Variants in NOL9 observed in about 807,000 individuals in gnomAD.
The protein encoded by NOL9 is nucleolar protein 9.
NOL9 carries 28 observed loss-of-function variants against 67.9 expected under a neutral mutation model. The ratio of observed to expected loss-of-function variants is 0.41; its 90% CI spans 0.31 to 0.57. The LOEUF (loss-of-function observed/expected upper bound fraction) is 0.57, where lower values mean the gene tolerates loss of function less well. Among genes scored for constraint, NOL9 ranks in the 20% least tolerant of loss-of-function variants. NOL9 has a pLI of 0.25. For missense variants in NOL9, 777 were observed against 897.0 expected, an observed-to-expected ratio of 0.87 and a Z score of 1.71; for synonymous variants, 356 against 352.2, an observed-to-expected ratio of 1.01 and a Z score of -0.12.
intron 6 of NOL9, among the ~76,000 whole-genome samples, chr1:6,539,730 G>A (rs1007071530): frequency 5.5e-4 from 83 of 152,112 alleles, no homozygotes; most frequent in Non-Finnish European, 2.6e-4. Context: ...GCAATCTGCC[G>A]GCCTTGGCCT....
Position 6,525,868 on chromosome 1 carries a change from G to C in NOL9, c.2095C>G (p.Arg699Gly). The C allele has an allele frequency of 1.2e-6, 2 of 1,613,862 alleles. No individual in the cohort carries two copies. The highest frequency in any genetic ancestry group is 8.5e-7 in the Non-Finnish European group (1 of 1,179,942). Residue 699 changes from arginine to glycine, a missense_variant, in exon 12 of 12, where the codon CGA becomes GGA. Transcript: ENST00000377705. ...EKPYRRPKFC[R>G]KMK is the part of the protein sequence containing the mutation. ...AAACGCGAGCATCACTTCATTTTTC[G>C]ACAGAACTTAGGTCTTCGGTATGGT...
In NOL9 at chr1:6,529,038, G is replaced by A; in HGVS notation, c.1781C>T (p.Pro594Leu). Residue 594 changes from proline (P) to leucine (L), a missense_variant, in exon 10 of 12, where the codon CCC becomes CTC. Coordinates refer to ENST00000377705, the MANE Select transcript of NOL9 (RefSeq NM_024654.5). ...QDDVRGYTNG[P>L]ILLAQTPICD... ...GATTGGAGTCTGGGCAAGCAGGATGGGCCCATTCGTGTATCCTCTGACGTC... is the reference window on the plus strand; with the variant it reads ...GATTGGAGTCTGGGCAAGCAGGATGAGCCCATTCGTGTATCCTCTGACGTC... 1.2e-6 allele frequency: 2 copies of A among 1,614,042 alleles called. No homozygotes were observed. Among genetic ancestry groups the A allele is most frequent in the Non-Finnish European group, 1.7e-6 (2 of 1,180,024 alleles).
Position 6,550,337 on chromosome 1 carries a change from A to T in NOL9, c.616+59T>A, listed in dbSNP as rs541731349. 20 of 1,505,784 alleles carry T rather than the reference A, an allele frequency of 1.3e-5. No individual in the cohort carries two copies. The South Asian group carries it at 2.3e-4, about 17-fold the overall frequency. 93.3% of individuals were successfully genotyped at this position (1,505,784 alleles called of 1,614,324 possible). A position where few individuals can be genotyped will look rare whatever the true frequency, so the allele number is the denominator to read the frequency against. ...TGAGCCACCGCGCCTGGCCCTAAAA[A>T]TTATGAATTAGCCTTATTACAGTAG... On this transcript the variant is annotated intron_variant, in intron 2 of 11. Transcript: ENST00000377705.
At chr1:6,541,009 GCGTT>G (rs1639275318) in intron 6 of NOL9, 1 of 31,168 alleles carries the variant, frequency 3.2e-5, no homozygotes, top group South Asian at 1.5e-3. Context: ...CTGGTTAACA[GCGTT>G]TTTTTTTTTT....
At position 6,525,937 on chromosome 1, in the gene NOL9, C is replaced by G; in HGVS notation, c.2026G>C (p.Glu676Gln). ...DYNFKLPGASEKIGAREPEEA... is the reference protein window; with the variant it reads ...DYNFKLPGASQKIGAREPEEA... ...TCAGGTTCTCTTGCTCCAATTTTCT[C>G]TGATGCTCCAGGAAGTTTAAAATTG... is the stretch of plus-strand genomic sequence containing the variant. Residue 676 changes from glutamate (E) to glutamine (Q), a missense_variant, in exon 12 of 12, where the codon GAG (glutamate) becomes CAG (glutamine). Transcript: ENST00000377705. 6.2e-7 allele frequency: 1 copy of G among 1,614,042 alleles called. No individual in the cohort carries two copies. Among genetic ancestry groups the G allele is most frequent in the Admixed American group, 1.7e-5 (1 of 60,010 alleles).
intron 11 of NOL9, 88 bp downstream of exon 11, chr1:6,526,608 T>C (rs1638889974): frequency 2.2e-6 from 3 of 1,340,810 alleles, no homozygotes; most frequent in African/African-American, 1.5e-5. Context: ...AGATCACCCA[T>C]TCCCATGACC....
At chr1:6,528,123 C>T (rs1052026358) in intron 10 of NOL9, among the ~76,000 whole-genome samples, 1 of 152,158 alleles carries the variant, frequency 6.6e-6, no homozygotes, top group Non-Finnish European at 1.5e-5. Flanking sequence ...TAATTTGGGA[C>T]TACTTAGCTC....
chr1:6,531,123 T>G (rs1639017667), intron 9 of NOL9, among the ~76,000 whole-genome samples: 1 of 152,226 alleles, frequency 6.6e-6, no homozygotes, highest in Non-Finnish European at 1.5e-5. Flanking sequence ...CTATCATGCT[T>G]TCCTCCCAAA....
rs965839991 is a variant in NOL9, at chr1:6,529,766, A to G, written c.1648-595T>C. Among the ~76,000 whole-genome samples, 6 of 151,782 alleles carry G rather than the reference A, an allele frequency of 4.0e-5. 1 individual carries two copies. Among genetic ancestry groups the G allele is most frequent in the Non-Finnish European group, 8.8e-5 (6 of 67,912 alleles). On this transcript the variant is annotated intron_variant, in intron 9 of 11. Coordinates refer to ENST00000377705, the MANE Select transcript of NOL9 (RefSeq NM_024654.5). ...CATGGCGAAACCCTGTCTCTACTAA[A>G]AATACAAAAATTAGCCAGGGATGGT...
intron 3 of NOL9, 173 bp downstream of exon 3, chr1:6,549,397 AT>A (rs1639491591): frequency 1.8e-5 from 12 of 649,682 alleles, no homozygotes; most frequent in Non-Finnish European, 2.6e-5. Context: ...GAGGATGAAC[AT>A]TTTTCACGAT....
chr1:6,550,946 G>A (rs891024587), intron 1 of NOL9, among the ~76,000 whole-genome samples: 2 of 152,078 alleles, frequency 1.3e-5, no homozygotes, highest in Admixed American at 1.3e-4. Context: ...GCCTCCCAAA[G>A]TGCTGGGATT....
chr1:6,526,560 C>T (rs1004854917), intron 11 of NOL9, 136 bp downstream of exon 11: 92 of 862,074 alleles, frequency 1.1e-4, no homozygotes, highest in Non-Finnish European at 1.4e-4. Context: ...GACACCGTCT[C>T]GGCTCACTCA....
rs1639497082 is a variant in NOL9 at position 6,549,614 on chromosome 1, A to G, written c.701T>C (p.Phe234Ser). ...GGATGAACCCGGATAGCTGGTTATGAAGTTTACAGTGGCAGTTTTCAGATG... is the reference window on the plus strand; with the variant it reads ...GGATGAACCCGGATAGCTGGTTATGGAGTTTACAGTGGCAGTTTTCAGATG... Reference protein sequence around the residue: ...LEHLKTATVNFITSYPGSSYI... With the variant: ...LEHLKTATVNSITSYPGSSYI... The change falls in exon 3 of 12, where the codon TTC becomes TCC. Residue 234 changes from phenylalanine to serine, a missense_variant. Physicochemically the swap from Phe to Ser is radical, Grantham distance 155. Around this residue, in one of 2 missense-constraint regions of NOL9, gnomAD observed 364 missense variants for 344.4 expected, o/e 1.06. Coordinates refer to ENST00000377705, the MANE Select transcript of NOL9 (RefSeq NM_024654.5). The G allele has an allele frequency of 6.2e-7, 1 of 1,614,050 alleles. No individual in the cohort carries two copies. Among genetic ancestry groups the G allele is most frequent in the African/African-American group, 1.3e-5 (1 of 74,928 alleles).
At position 6,532,642 on chromosome 1, in the gene NOL9, G is replaced by A. The variant is rs1265173365; in HGVS notation, c.1356C>T (p.Asp452=). 1 of 1,614,148 alleles carries A rather than the reference G, an allele frequency of 6.2e-7. No individual in the cohort carries two copies. The highest frequency in any genetic ancestry group is 1.7e-5 in the Admixed American group (1 of 60,014). The change falls in exon 8 of 12, where the codon GAC becomes GAT. Residue 452 remains aspartate, a synonymous_variant. Coordinates refer to ENST00000377705, the MANE Select transcript of NOL9 (RefSeq NM_024654.5). ...MPDLTPQYVD[D]MDGLYTKSKT... is the part of the protein sequence containing the mutation. ...TGCTTTTTGTGTACAAGCCATCCAT[G>A]TCATCTACATACTGCGGGGTAAGGT...
At chr1:6,531,342 T>C (rs1182516039) in intron 9 of NOL9, among the ~76,000 whole-genome samples, 2 of 152,018 alleles carry the variant, frequency 1.3e-5, no homozygotes, top group Non-Finnish European at 2.9e-5. Context: ...GCCTCCTGAG[T>C]AGCTGGGACT....
chr1:6,528,321 AAG>A (rs1231755981), intron 10 of NOL9, among the ~76,000 whole-genome samples: 1 of 152,192 alleles, frequency 6.6e-6, no homozygotes, highest in Non-Finnish European at 1.5e-5. Context: ...GATGAATTTT[AAG>A]AGAGGAAGTG....
chr1:6,538,457 A>T (rs1402416422), intron 6 of NOL9, among the ~76,000 whole-genome samples: 1 of 152,192 alleles, frequency 6.6e-6, no homozygotes, highest in Non-Finnish European at 1.5e-5. Flanking sequence ...GGATCACCTG[A>T]GGTCAGGAGT....
At chr1:6,549,720 A>G in intron 2 of NOL9, 22 bp from the exon 3 acceptor site, 1 of 1,608,580 alleles carries the variant, frequency 6.2e-7, no homozygotes, top group Non-Finnish European at 8.5e-7. Flanking sequence ...AAAATAAACC[A>G]CCTTAGAAGC....
At chr1:6,527,180 G>A (rs1254185518) in intron 10 of NOL9, among the ~76,000 whole-genome samples, 6 of 151,676 alleles carry the variant, frequency 4.0e-5, no homozygotes, top group Non-Finnish European at 8.8e-5. Flanking sequence ...CCGGGAGGTG[G>A]AGCTTGCAGT....
Sources: allele counts gnomAD v4.1 joint callset (sites outside exome capture counted in the v4.1 genomes callset), GRCh38; gene constraint gnomAD v4.1.1; regional missense constraint gnomAD v4.1.1; transcripts MANE v1.5; gene names NCBI Gene and HGNC (gene_info 2026-07-23, HGNC 2026-07-21).